Variants in UNC5D observed in about 807,000 individuals in gnomAD.
The protein encoded by UNC5D is netrin receptor UNC5D.
UNC5D carries 39 observed loss-of-function variants against 105.4 expected under a neutral mutation model. The ratio of observed to expected loss-of-function variants is 0.37; its 90% CI spans 0.29 to 0.48. UNC5D has a LOEUF of 0.48. UNC5D is among the 20% of genes least tolerant of loss of function. The probability of loss-of-function intolerance (pLI) is 0.98; values close to 1 mark genes in which losing one functional copy is unlikely to be tolerated. For synonymous variants in UNC5D, 452 were observed against 450.4 expected, an observed-to-expected ratio of 1.00 and a Z score of -0.04; for missense variants, 991 against 1,202.4, an observed-to-expected ratio of 0.82 and a Z score of 2.60.
chr8:35,545,242 C>T (rs1815565136), intron 1 of UNC5D, among the ~76,000 whole-genome samples: 2 of 152,228 alleles, frequency 1.3e-5, no homozygotes, highest in Non-Finnish European at 2.9e-5. Context: ...TCCTCCCACC[C>T]TGTCCCAAAG....
intron 1 of UNC5D, among the ~76,000 whole-genome samples, chr8:35,413,221 AC>A (rs1805289714): frequency 7.0e-6 from 1 of 143,658 alleles, no homozygotes; most frequent in Non-Finnish European, 1.5e-5. Context: ...TTCTGAAGGC[AC>A]CCCTCTCAGA....
chr8:35,315,925 A>T (rs962682699), intron 1 of UNC5D, among the ~76,000 whole-genome samples: 4 of 152,126 alleles, frequency 2.6e-5, no homozygotes, highest in African/African-American at 9.7e-5. Flanking sequence ...CTATTGTAAG[A>T]AGTTGGGATT....
chr8:35,709,755 A>G (rs562867713), intron 8 of UNC5D, among the ~76,000 whole-genome samples: 12 of 152,260 alleles, frequency 7.9e-5, no homozygotes, highest in Non-Finnish European at 1.5e-4. Context: ...AAAAACAAGG[A>G]AACAAACATT....
At chr8:35,742,080 C>G (rs1175672503) in intron 11 of UNC5D, among the ~76,000 whole-genome samples, 1 of 152,104 alleles carries the variant, frequency 6.6e-6, no homozygotes, top group Non-Finnish European at 1.5e-5. Context: ...TTTCTTAAAT[C>G]ACACATAGCG....
chr8:35,371,356 T>C (rs1332412694), intron 1 of UNC5D, among the ~76,000 whole-genome samples: 2 of 152,194 alleles, frequency 1.3e-5, no homozygotes, highest in East Asian at 3.9e-4. Context: ...ATAACAGTGT[T>C]CCTACTTCCA....
At chr8:35,332,879 G>A (rs1041384203) in intron 1 of UNC5D, among the ~76,000 whole-genome samples, 1 of 152,214 alleles carries the variant, frequency 6.6e-6, no homozygotes, top group African/African-American at 2.4e-5. Flanking sequence ...AGCTTTAACT[G>A]TGCAAACATA....
intron 7 of UNC5D, among the ~76,000 whole-genome samples, chr8:35,697,761 C>A (rs1440699496): frequency 1.3e-5 from 2 of 152,064 alleles, no homozygotes; most frequent in Non-Finnish European, 2.9e-5. Context: ...CGGATGTAGA[C>A]CCTATGTACA....
intron 1 of UNC5D, among the ~76,000 whole-genome samples, chr8:35,523,118 C>G (rs79428631): frequency 7.8e-6 from 1 of 127,708 alleles, no homozygotes; most frequent in Admixed American, 9.2e-5. Context: ...GGGTCTTGTT[C>G]TGTCACCTAG....
At position 35,397,602 on chromosome 8, in the gene UNC5D, C is replaced by G. The variant is rs189292942; in HGVS notation, c.104-151690C>G. On this transcript the variant is annotated intron_variant, in intron 1 of 16. Transcript: ENST00000404895. ...ATTGAGTAGGTGCTTTTCAGCTGGTCTTTGCTCTGTTCCCTCATCCCAGTG... is the reference window on the plus strand; with the variant it reads ...ATTGAGTAGGTGCTTTTCAGCTGGTGTTTGCTCTGTTCCCTCATCCCAGTG... Among the ~76,000 whole-genome samples the G allele has an allele frequency of 6.3e-4, 96 of 152,280 alleles. 1 individual carries two copies. Among genetic ancestry groups the G allele is most frequent in the Non-Finnish European group, 1.1e-3 (77 of 68,022 alleles).
chr8:35,282,127 G>A (rs1179435107), intron 1 of UNC5D, among the ~76,000 whole-genome samples: 1 of 152,128 alleles, frequency 6.6e-6, no homozygotes, highest in Non-Finnish European at 1.5e-5. Context: ...TTTTTCTTAT[G>A]ATAAGTAACC....
At chr8:35,307,261 G>C (rs1460869901) in intron 1 of UNC5D, among the ~76,000 whole-genome samples, 2 of 152,190 alleles carry the variant, frequency 1.3e-5, no homozygotes, top group African/African-American at 4.8e-5. Flanking sequence ...AGATAACTTA[G>C]AATTCAAGAA....
chr8:35,534,215 T>C (rs1487665090), intron 1 of UNC5D, among the ~76,000 whole-genome samples: 2 of 152,216 alleles, frequency 1.3e-5, no homozygotes, highest in African/African-American at 4.8e-5. Context: ...TAATGTAGCA[T>C]ATATCTAGAG....
At chr8:35,456,669 C>T (rs910563747) in intron 1 of UNC5D, among the ~76,000 whole-genome samples, 25 of 152,156 alleles carry the variant, frequency 1.6e-4, no homozygotes, top group Non-Finnish European at 2.9e-5. Context: ...ATCCACTTGA[C>T]CATAATGGAC....
At chr8:35,396,348 AGCAG>A (rs1804100225) in intron 1 of UNC5D, among the ~76,000 whole-genome samples, 1 of 152,190 alleles carries the variant, frequency 6.6e-6, no homozygotes, top group Non-Finnish European at 1.5e-5. Context: ...AGTCGGGGAA[AGCAG>A]GCACAAGCAG....
chr8:35,629,892 G>A (rs1460403274), intron 4 of UNC5D, among the ~76,000 whole-genome samples: 2 of 152,114 alleles, frequency 1.3e-5, no homozygotes, highest in African/African-American at 4.8e-5. Context: ...AATGGTATGA[G>A]GCCTAGACCC....
chr8:35,364,964 A>G (rs1802032834), intron 1 of UNC5D, among the ~76,000 whole-genome samples: 1 of 152,192 alleles, frequency 6.6e-6, no homozygotes, highest in Non-Finnish European at 1.5e-5. Flanking sequence ...TACTATTTCC[A>G]AGGTCATATA....
At chr8:35,492,031 A>T (rs988580828) in intron 1 of UNC5D, among the ~76,000 whole-genome samples, 6 of 151,872 alleles carry the variant, frequency 4.0e-5, no homozygotes, top group Admixed American at 3.9e-4. Flanking sequence ...CATAAGTGAT[A>T]GTCTCAAATG....
chr8:35,348,270 A>T (rs35985268), intron 1 of UNC5D, among the ~76,000 whole-genome samples: 66,070 of 151,526 alleles, frequency 0.44, 14,687 homozygotes, highest in East Asian at 0.7. Flanking sequence ...TTGCCTTTTC[A>T]CTTAAATATA....
At chr8:35,643,855 G>C (rs780447616) in intron 4 of UNC5D, among the ~76,000 whole-genome samples, 27 of 152,146 alleles carry the variant, frequency 1.8e-4, no homozygotes, top group Non-Finnish European at 1.0e-4. Flanking sequence ...AACAAAACTA[G>C]AGGTATGATT....
Sources: allele counts gnomAD v4.1 joint callset (sites outside exome capture counted in the v4.1 genomes callset), GRCh38; gene constraint gnomAD v4.1.1; transcripts MANE v1.5; gene names NCBI Gene and HGNC (gene_info 2026-07-23, HGNC 2026-07-21).